Variants in WDR46 observed in about 807,000 individuals in gnomAD.
The protein encoded by WDR46 is WD repeat-containing protein 46.
Under a neutral mutation model 74.7 loss-of-function variants are expected in WDR46, and 58 were observed. The ratio of observed to expected loss-of-function variants is 0.78; its 90% CI spans 0.63 to 0.97. The LOEUF (loss-of-function observed/expected upper bound fraction) is 0.97. Ranked by LOEUF, WDR46 falls within the 50% of genes least tolerant of loss-of-function variation. The pLI, the probability that WDR46 is intolerant of heterozygous loss-of-function variation, is 0.00. For synonymous variants in WDR46, 278 were observed against 297.3 expected, an observed-to-expected ratio of 0.93 and a Z score of 0.67; for missense variants, 702 against 790.1, an observed-to-expected ratio of 0.89 and a Z score of 1.34.
At chr6:33,288,297 A>T in intron 4 of WDR46, 61 bp downstream of exon 4, 1 of 1,613,802 alleles carries the variant, frequency 6.2e-7, no homozygotes. Flanking sequence ...TACCAACATA[A>T]AAACGAGAAA....
chr6:33,288,143 C>T lies in WDR46; in HGVS notation c.561+5G>A. 1 of 1,614,250 alleles carries T rather than the reference C, an allele frequency of 6.2e-7. No individual in the cohort carries two copies. Among genetic ancestry groups the T allele is most frequent in the East Asian group, 2.2e-5 (1 of 44,886 alleles). On this transcript the variant is annotated splice_donor_5th_base_variant and intron_variant, in intron 5 of 14. Coordinates refer to ENST00000374617, the MANE Select transcript of WDR46 (RefSeq NM_005452.6). Reference sequence around the variant, plus strand: ...CCCTTGGCTCCTTTACCTCCTCAGGCTCACCTTGGCTGCACTTGCAATGTC... The same window carrying T: ...CCCTTGGCTCCTTTACCTCCTCAGGTTCACCTTGGCTGCACTTGCAATGTC...
chr6:33,288,491 A>G, intron 3 of WDR46, 21 bp from the exon 4 acceptor site: 1 of 1,613,534 alleles, frequency 6.2e-7, no homozygotes. Context: ...GTTGGTGGGG[A>G]GGAGTGGCAG....
chr6:33,287,829 G>A, intron 6 of WDR46, 111 bp from the exon 7 acceptor site: 1 of 1,498,600 alleles, frequency 6.7e-7, no homozygotes, highest in Non-Finnish European at 9.3e-7. Context: ...GACACATGTT[G>A]CTGTAGGTGC....
At chr6:33,280,034 A>T (rs1449970732) in intron 12 of WDR46, among the ~76,000 whole-genome samples, 175 bp from the exon 13 acceptor site, 2 of 151,646 alleles carry the variant, frequency 1.3e-5, no homozygotes, top group South Asian at 4.2e-4. Flanking sequence ...CAGGGGCCTC[A>T]CTCTCTGCAG....
Position 33,279,289 on chromosome 6 carries a change from C to G in WDR46, c.1820G>C (p.Arg607Thr). Residue 607 changes from arginine (R) to threonine (T), a missense_variant, in exon 15 of 15, where the codon AGA becomes ACA. Transcript: ENST00000374617. ...PTGARPSALD[R>T]FVR is the part of the protein sequence containing the mutation. ...CTGGAGTCTGGCTCAGCGCACAAATCTGTCCAGGGCAGATGGCCGGGCCCC... is the reference window on the plus strand; with the variant it reads ...CTGGAGTCTGGCTCAGCGCACAAATGTGTCCAGGGCAGATGGCCGGGCCCC... 6.2e-7 allele frequency: 1 copy of G among 1,614,250 alleles called. No homozygotes were observed. The highest frequency in any genetic ancestry group is 8.5e-7 in the Non-Finnish European group (1 of 1,180,046).
In WDR46 at chr6:33,287,673, A is replaced by G. The variant is rs758285623; in HGVS notation, c.669T>C (p.Asp223=). 4.4e-5 allele frequency: 71 copies of G among 1,613,676 alleles called. 1 individual carries two copies. Among genetic ancestry groups the G allele is most frequent in the Non-Finnish European group, 3.4e-5 (40 of 1,179,966 alleles). The change falls in exon 7 of 15, where the codon GAT becomes GAC. Residue 223 remains aspartate, a synonymous_variant. Transcript: ENST00000374617. ...CGCACATAAGCTTCTTTGTTACCCA[A>G]TCAAGGGCAGCCACATGACCTCGGC... The part of the protein sequence containing the change: ...GGRRGHVAAL[D]WVTKKLMCEI...
At position 33,279,554 on chromosome 6, in the gene WDR46, G is replaced by C; in HGVS notation, c.1677C>G (p.Arg559=). 6.2e-7 allele frequency: 1 copy of C among 1,614,144 alleles called. No homozygotes were observed. The highest frequency in any genetic ancestry group is 2.2e-5 in the East Asian group (1 of 44,878). Residue 559 remains arginine (R), a synonymous_variant, in exon 14 of 15, where the codon CGC becomes CGG. Coordinates refer to ENST00000374617, the MANE Select transcript of WDR46 (RefSeq NM_005452.6). The part of the protein sequence containing the change: ...PFQPKPKQKG[R]SSTASLVKRK... Reference sequence around the variant, plus strand: ...TCTTCACCAGGCTTGCCGTGGAGCTGCGGCCCTTCTGCTTTGGCTTTGGCT... The same window carrying C: ...TCTTCACCAGGCTTGCCGTGGAGCTCCGGCCCTTCTGCTTTGGCTTTGGCT...
intron 10 of WDR46, among the ~76,000 whole-genome samples, chr6:33,281,811 T>C (rs1766208677): frequency 6.6e-6 from 1 of 151,232 alleles, no homozygotes; most frequent in Admixed American, 6.6e-5. Context: ...ATGTACTGCA[T>C]AAGTTGTTTA....
At chr6:33,285,227 G>A (rs181645738) in intron 10 of WDR46, among the ~76,000 whole-genome samples, 2 of 151,518 alleles carry the variant, frequency 1.3e-5, no homozygotes, top group South Asian at 2.1e-4. Context: ...TTCTGAGACC[G>A]GGTCTCACTC....
Position 33,288,968 on chromosome 6 carries a change from C to T in WDR46, c.115G>A (p.Gly39Arg). The T allele has an allele frequency of 6.2e-7, 1 of 1,614,080 alleles. No homozygotes were observed. The highest frequency in any genetic ancestry group is 8.5e-7 in the Non-Finnish European group (1 of 1,180,018). ...TTACGAGGAGGCCCTGGAGAGGCTC[C>T]GGCTGTGGTCGGAACGGTCTCTTCC... The part of the protein sequence containing the change: ...WEEETVPTTA[G>R]ASPGPPRNKK... Residue 39 changes from glycine to arginine, a missense_variant, in exon 2 of 15, where the codon GGA (glycine) becomes AGA (arginine). Physicochemically the swap from Gly to Arg is moderately radical, Grantham distance 125. Coordinates refer to ENST00000374617, the MANE Select transcript of WDR46 (RefSeq NM_005452.6).
At chr6:33,286,760 A>C (rs1353024678) in intron 10 of WDR46, 35 bp downstream of exon 10, 2 of 1,587,636 alleles carry the variant, frequency 1.3e-6, no homozygotes, top group Middle Eastern at 3.3e-4. Flanking sequence ...CTGCCCACCT[A>C]TGACTCCTAA....
chr6:33,287,057 G>C (rs1416661087), intron 9 of WDR46, 34 bp downstream of exon 9: 1 of 1,601,912 alleles, frequency 6.2e-7, no homozygotes, highest in Admixed American at 1.7e-5. Flanking sequence ...AGCAAGTCAG[G>C]ATGGTCAGAG....
chr6:33,286,630 A>C (rs926677340), intron 10 of WDR46, among the ~76,000 whole-genome samples, 165 bp downstream of exon 10: 2 of 152,154 alleles, frequency 1.3e-5, no homozygotes, highest in African/African-American at 4.8e-5. Flanking sequence ...ACTGTGGCAC[A>C]CAGAGGTTAT....
chr6:33,280,344 G>A, intron 12 of WDR46, 84 bp downstream of exon 12: 1 of 1,428,994 alleles, frequency 7.0e-7, no homozygotes. Flanking sequence ...CAGGAAGGAG[G>A]AACCTCACCC....
chr6:33,280,666 C>T lies in WDR46; in HGVS notation c.1429+8G>A, dbSNP rs530973576. On this transcript the variant is annotated splice_region_variant and intron_variant, in intron 11 of 14. Transcript: ENST00000374617. ...TTCACTTCAAGCCCCATCCCCTGGC[C>T]CACTCACCAGGGACCAGCATGCTGG... 1 of 1,583,012 alleles carries T rather than the reference C, an allele frequency of 6.3e-7. No individual in the cohort carries two copies.
At chr6:33,282,576 G>C (rs1273627465) in intron 10 of WDR46, among the ~76,000 whole-genome samples, 2 of 152,174 alleles carry the variant, frequency 1.3e-5, no homozygotes, top group African/African-American at 4.8e-5. Flanking sequence ...CAAGCTACCA[G>C]AACACCTCTT....
chr6:33,282,662 G>A (rs1418665296), intron 10 of WDR46, among the ~76,000 whole-genome samples: 2 of 152,246 alleles, frequency 1.3e-5, no homozygotes, highest in East Asian at 1.9e-4. Context: ...GAAAAGCAGG[G>A]ATGGGCTGAA....
rs745455514 is a variant in WDR46 at position 33,287,231 on chromosome 6, G to A, written c.880-5C>T. ...GGTTAGAAACCCTGTTTCTGACTGAGAGAGAAAGACAGAGAGAATGACCCA... is the reference window on the plus strand; with the variant it reads ...GGTTAGAAACCCTGTTTCTGACTGAAAGAGAAAGACAGAGAGAATGACCCA... On this transcript the variant is annotated splice_region_variant and splice_polypyrimidine_tract_variant and intron_variant, in intron 8 of 14. Coordinates refer to ENST00000374617, the MANE Select transcript of WDR46 (RefSeq NM_005452.6). 3 of 1,613,726 alleles carry A rather than the reference G, an allele frequency of 1.9e-6. No homozygotes were observed. Among genetic ancestry groups the A allele is most frequent in the Non-Finnish European group, 1.7e-6 (2 of 1,179,932 alleles).
chr6:33,283,252 G>T (rs760000207), intron 10 of WDR46, among the ~76,000 whole-genome samples: 5 of 151,350 alleles, frequency 3.3e-5, no homozygotes, highest in Non-Finnish European at 7.4e-5. Flanking sequence ...AGCGGGTGGT[G>T]GGGGGGGTGG....
Sources: gnomAD v4.1 joint callset for allele counts (sites outside exome capture counted in the v4.1 genomes callset) on GRCh38, gnomAD v4.1.1 for gene constraint, MANE v1.5 for transcripts, NCBI Gene and HGNC (gene_info 2026-07-23, HGNC 2026-07-21) for gene names.